The following LANCL2 variants were observed in gnomAD, a reference collection of about 807,000 sequenced individuals.
LANCL2 encodes LanC like glutathione S-transferase 2.
In LANCL2, 33 loss-of-function variants were observed where a neutral mutation model predicts 56.9. The observed-to-expected ratio is 0.58, with a 90% CI of 0.44 to 0.78. The LOEUF is 0.78. Among genes scored for constraint, LANCL2 ranks in the 30% least tolerant of loss-of-function variants. The probability of loss-of-function intolerance (pLI) is 0.00; values close to 1 mark genes in which losing one functional copy is unlikely to be tolerated. For missense variants in LANCL2, 562 were observed against 580.2 expected, an observed-to-expected ratio of 0.97 and a Z score of 0.32; for synonymous variants, 233 against 228.2, an observed-to-expected ratio of 1.02 and a Z score of -0.19.
At chr7:55,369,927 A>G (rs1789924187) in intron 1 of LANCL2, among the ~76,000 whole-genome samples, 1 of 152,228 alleles carries the variant, frequency 6.6e-6, no homozygotes, top group South Asian at 2.1e-4. Flanking sequence ...GGCCCCTGTG[A>G]TTAGCTCTGT....
At chr7:55,418,723 GAAA>G (rs34335564) in intron 6 of LANCL2, among the ~76,000 whole-genome samples, 1 of 151,890 alleles carries the variant, frequency 6.6e-6, no homozygotes. Context: ...CACAATCATA[GAAA>G]AAAATATTAA....
At chr7:55,396,556 C>G (rs925557038) in intron 2 of LANCL2, among the ~76,000 whole-genome samples, 1 of 152,248 alleles carries the variant, frequency 6.6e-6, no homozygotes, top group Non-Finnish European at 1.5e-5. Flanking sequence ...AGTTCACAGT[C>G]CAAAGGCACA....
At chr7:55,372,068 G>A (rs889620262) in intron 1 of LANCL2, among the ~76,000 whole-genome samples, 9 of 152,196 alleles carry the variant, frequency 5.9e-5, no homozygotes, top group African/African-American at 1.9e-4. Context: ...ATTTTAACAA[G>A]ATCCTCATGC....
In LANCL2 at chr7:55,392,186, G is replaced by T. The variant is rs192719397; in HGVS notation, c.322+276G>T. ...CGGGCACCTGTAATCCCAGCTACTTGGGAGGCTGAGGCAGGAGAATTGCTT... is the reference window on the plus strand; with the variant it reads ...CGGGCACCTGTAATCCCAGCTACTTTGGAGGCTGAGGCAGGAGAATTGCTT... On this transcript the variant is annotated intron_variant, in intron 2 of 8. Coordinates refer to ENST00000254770, the MANE Select transcript of LANCL2 (RefSeq NM_018697.4). 5.7e-3 allele frequency among the ~76,000 whole-genome samples: 870 copies of T among 152,142 alleles called. 5 individuals carry two copies. Among genetic ancestry groups the T allele is most frequent in the African/African-American group, 0.018 (762 of 41,506 alleles).
At chr7:55,394,899 A>G (rs1353471993) in intron 2 of LANCL2, among the ~76,000 whole-genome samples, 3 of 152,250 alleles carry the variant, frequency 2.0e-5, no homozygotes, top group Non-Finnish European at 4.4e-5. Context: ...ATGGGGTTGG[A>G]GAGCTGTAGA....
At chr7:55,414,688 G>C (rs1200829698) in intron 6 of LANCL2, among the ~76,000 whole-genome samples, 1 of 151,978 alleles carries the variant, frequency 6.6e-6, no homozygotes, top group Non-Finnish European at 1.5e-5. Flanking sequence ...GCCTTAAAAT[G>C]TAAAGGTTTG....
At position 55,380,868 on chromosome 7, in the gene LANCL2, T is replaced by TC. The variant is rs1241926195; in HGVS notation, c.205-10924dup. Among the ~76,000 whole-genome samples the TC allele has an allele frequency of 4.5e-5, 6 of 132,058 alleles. No homozygotes were observed. In the Admixed American group the frequency reaches 5.1e-4, roughly 11 times the overall value. 86.6% of individuals were successfully genotyped at this position (132,058 alleles called of 152,430 possible). A position where few individuals can be genotyped will look rare whatever the true frequency, so the allele number is the denominator to read the frequency against. On this transcript the variant is annotated intron_variant, in intron 1 of 8. Coordinates refer to ENST00000254770, the MANE Select transcript of LANCL2 (RefSeq NM_018697.4). ...TGCATGATCAGAGGAGGAGTGAATT[T>TC]CTTTTTTTTTTTTTTTTTTGAGATG...
chr7:55,392,401 A>G lies in LANCL2; in HGVS notation c.322+491A>G, dbSNP rs569571976. Among the ~76,000 whole-genome samples, 44 of 148,262 alleles carry G rather than the reference A, an allele frequency of 3.0e-4. 1 individual carries two copies. Among genetic ancestry groups the G allele is most frequent in the African/African-American group, 1.1e-3 (44 of 39,844 alleles). ...GTACAGTGTCTGTTGCCTGGGCTAGAGTACAGTGGTGCAATCACAGCTCTC... is the reference window on the plus strand; with the variant it reads ...GTACAGTGTCTGTTGCCTGGGCTAGGGTACAGTGGTGCAATCACAGCTCTC... On this transcript the variant is annotated intron_variant, in intron 2 of 8. Coordinates refer to ENST00000254770, the MANE Select transcript of LANCL2 (RefSeq NM_018697.4).
intron 1 of LANCL2, among the ~76,000 whole-genome samples, chr7:55,367,504 T>G (rs951733736): frequency 3.9e-5 from 6 of 152,330 alleles, no homozygotes; most frequent in African/African-American, 9.6e-5. Context: ...GCGGGCTGAT[T>G]GCTTGAGCCC....
intron 1 of LANCL2, among the ~76,000 whole-genome samples, chr7:55,369,409 T>C (rs1189681034): frequency 6.6e-6 from 1 of 152,208 alleles, no homozygotes; most frequent in East Asian, 1.9e-4. Context: ...GTGTGATCAG[T>C]CAATAAAATT....
chr7:55,399,877 C>T (rs1311503268), intron 3 of LANCL2, 80 bp from the exon 4 acceptor site: 11 of 1,131,404 alleles, frequency 9.7e-6, no homozygotes, highest in Non-Finnish European at 1.2e-5. Flanking sequence ...TAGGTAATTC[C>T]TAAAGCAACA....
intron 6 of LANCL2, among the ~76,000 whole-genome samples, chr7:55,423,968 G>A (rs906757430): frequency 4.6e-5 from 7 of 152,116 alleles, no homozygotes; most frequent in African/African-American, 1.4e-4. Context: ...GACACTGGTC[G>A]CAGTTCTCAT....
At chr7:55,374,691 T>G (rs1375544508) in intron 1 of LANCL2, among the ~76,000 whole-genome samples, 1 of 152,180 alleles carries the variant, frequency 6.6e-6, no homozygotes, top group African/African-American at 2.4e-5. Context: ...TCTTCATGTG[T>G]CTAACATTAC....
intron 6 of LANCL2, among the ~76,000 whole-genome samples, chr7:55,415,436 C>T (rs1389329579): frequency 6.6e-6 from 1 of 152,120 alleles, no homozygotes; most frequent in Non-Finnish European, 1.5e-5. Flanking sequence ...CATACAAATT[C>T]TGTTCCCGAA....
rs952456206 is a variant in LANCL2, at chr7:55,428,049, G to A, written c.1186-326G>A. Reference sequence around the variant, plus strand: ...GTTTTTTGTTCAGGATAGAGCAGGCGTTTCGAGTTGCTTCTGGAATCATCA... The same window carrying A: ...GTTTTTTGTTCAGGATAGAGCAGGCATTTCGAGTTGCTTCTGGAATCATCA... On this transcript the variant is annotated intron_variant, in intron 7 of 8. Coordinates refer to ENST00000254770, the MANE Select transcript of LANCL2 (RefSeq NM_018697.4). 39 of 344,166 alleles carry A rather than the reference G, an allele frequency of 1.1e-4. No individual in the cohort carries two copies. The South Asian group carries it at 1.2e-3, about 11-fold the overall frequency. The allele number at this position is 344,166 out of a possible 1,614,324, so 21.3% of individuals were successfully genotyped here. A position where few individuals can be genotyped will look rare whatever the true frequency, so the allele number is the denominator to read the frequency against.
intron 6 of LANCL2, among the ~76,000 whole-genome samples, chr7:55,415,008 A>G (rs537598387): frequency 0.01 from 1,520 of 148,052 alleles, 33 homozygotes; most frequent in African/African-American, 0.036. Flanking sequence ...AAAAGAAAAG[A>G]AAAGAAAAAG....
intron 1 of LANCL2, among the ~76,000 whole-genome samples, chr7:55,382,821 C>T (rs1165878266): frequency 6.6e-6 from 1 of 152,124 alleles, no homozygotes; most frequent in Non-Finnish European, 1.5e-5. Context: ...AATCTTGTGG[C>T]CTGTGGTTGC....
chr7:55,407,136 C>T (rs894793467), intron 5 of LANCL2, among the ~76,000 whole-genome samples: 1 of 152,218 alleles, frequency 6.6e-6, no homozygotes, highest in Non-Finnish European at 1.5e-5. Flanking sequence ...ACTGCCTATC[C>T]TTCAACTCGT....
chr7:55,431,354 G>A lies in LANCL2; in HGVS notation c.*34G>A. The stretch of plus-strand genomic sequence containing the variant: ...AAAAGACAACTAAAATACCCATTTG[G>A]ACCAAAAGCCACCAGATTGCTTAGT... On this transcript the variant is annotated 3_prime_UTR_variant, in exon 9 of 9. Transcript: ENST00000254770. 6.5e-7 allele frequency: 1 copy of A among 1,531,846 alleles called. No homozygotes were observed. Among genetic ancestry groups the A allele is most frequent in the East Asian group, 2.3e-5 (1 of 44,238 alleles). The allele number at this position is 1,531,846 out of a possible 1,614,324, so 94.9% of individuals were successfully genotyped here.
Sources: allele counts gnomAD v4.1 joint callset (sites outside exome capture counted in the v4.1 genomes callset), GRCh38; gene constraint gnomAD v4.1.1; transcripts MANE v1.5; gene names NCBI Gene and HGNC (gene_info 2026-07-23, HGNC 2026-07-21).